The following SLC38A12 variants were observed in gnomAD, a reference collection of about 807,000 sequenced individuals.
The protein encoded by SLC38A12 is solute carrier family 38 member 12.
At chr17:74,789,369 A>C in the SLC38A12 span, among the ~76,000 whole-genome samples, 3 of 151,882 alleles carry the variant, frequency 2.0e-5, no homozygotes, top group African/African-American at 7.3e-5. Context: ...ATCTCTACTA[A>C]AAATGCAAAA....
At chr17:74,793,686 A>G in the SLC38A12 span, among the ~76,000 whole-genome samples, 16 of 152,162 alleles carry the variant, frequency 1.1e-4, no homozygotes, top group African/African-American at 3.9e-4. Context: ...GTCCCCTCAG[A>G]GCAGAAAACA....
chr17:74,822,123 G>A, the SLC38A12 span, among the ~76,000 whole-genome samples: 1 of 152,190 alleles, frequency 6.6e-6, no homozygotes, highest in Non-Finnish European at 1.5e-5. Context: ...GAGAAGAGGA[G>A]GCTGAGGGCA....
At chr17:74,831,990 C>G in the SLC38A12 span, among the ~76,000 whole-genome samples, 1 of 152,234 alleles carries the variant, frequency 6.6e-6, no homozygotes, top group African/African-American at 2.4e-5. Context: ...GAGCAGCTGT[C>G]TCCCAGGGAT....
At chr17:74,837,268 C>T in the SLC38A12 span, 2 of 985,594 alleles carry the variant, frequency 2.0e-6, no homozygotes, top group East Asian at 2.3e-4. Flanking sequence ...GGCCCCATGA[C>T]AAGAACAAGA....
the SLC38A12 span, among the ~76,000 whole-genome samples, chr17:74,781,854 C>A: frequency 6.6e-6 from 1 of 152,198 alleles, no homozygotes; most frequent in Non-Finnish European, 1.5e-5. Flanking sequence ...CAGCCCCACC[C>A]CTGCCCGGCT....
At chr17:74,795,249 C>A in the SLC38A12 span, 1 of 744,678 alleles carries the variant, frequency 1.3e-6, no homozygotes, top group South Asian at 1.6e-5. Flanking sequence ...AGGCCCTTTT[C>A]TGCACAGACC....
the SLC38A12 span, among the ~76,000 whole-genome samples, chr17:74,788,324 G>T: frequency 6.6e-6 from 1 of 152,194 alleles, no homozygotes; most frequent in Non-Finnish European, 1.5e-5. Context: ...CGCTCCTTCC[G>T]TGAGTGTATG....
the SLC38A12 span, among the ~76,000 whole-genome samples, chr17:74,779,194 A>C: frequency 6.6e-6 from 1 of 152,188 alleles, no homozygotes; most frequent in Non-Finnish European, 1.5e-5. Flanking sequence ...AAACACTTGG[A>C]TATGTCCCCA....
chr17:74,791,729 T>A, the SLC38A12 span, among the ~76,000 whole-genome samples: 1 of 152,212 alleles, frequency 6.6e-6, no homozygotes, highest in South Asian at 2.1e-4. Context: ...GTGAACCTGC[T>A]CCTTCCTGGG....
the SLC38A12 span, among the ~76,000 whole-genome samples, chr17:74,786,665 C>T: frequency 1.3e-5 from 2 of 152,052 alleles, no homozygotes; most frequent in Non-Finnish European, 2.9e-5. Context: ...AAGGATGAGA[C>T]GGAGCTTAGT....
At chr17:74,805,559 C>T in the SLC38A12 span, among the ~76,000 whole-genome samples, 1 of 152,316 alleles carries the variant, frequency 6.6e-6, no homozygotes, top group African/African-American at 2.4e-5. The surrounding 1 kb of genome is among the most constrained non-coding windows in gnomAD (Gnocchi z 5.0). Flanking sequence ...TTCTCAAACC[C>T]GCTTCAAGAG....
At chr17:74,830,732 T>C in the SLC38A12 span, among the ~76,000 whole-genome samples, 2 of 152,204 alleles carry the variant, frequency 1.3e-5, no homozygotes, top group Non-Finnish European at 2.9e-5. Flanking sequence ...CTGACTGGCC[T>C]CTGGCAGCTC....
chr17:74,795,017 G>A, the SLC38A12 span: 5 of 1,613,938 alleles, frequency 3.1e-6, no homozygotes, highest in Middle Eastern at 1.7e-4. Context: ...TTCAGTGGGG[G>A]TCAACTTGTT....
the SLC38A12 span, among the ~76,000 whole-genome samples, chr17:74,799,905 C>T: frequency 9.8e-4 from 149 of 152,340 alleles, 1 homozygote; most frequent in African/African-American, 3.4e-3. Flanking sequence ...CCTGGCAGTG[C>T]CATGCGTGCT....
At chr17:74,796,733 T>A in the SLC38A12 span, among the ~76,000 whole-genome samples, 2 of 152,244 alleles carry the variant, frequency 1.3e-5, no homozygotes, top group Non-Finnish European at 2.9e-5. Flanking sequence ...GATTCCTCCG[T>A]TGCAGGTCTG....
chr17:74,798,786 T>A, the SLC38A12 span, among the ~76,000 whole-genome samples: 2 of 124,464 alleles, frequency 1.6e-5, no homozygotes, highest in Non-Finnish European at 3.2e-5. Flanking sequence ...CAAATGGGAA[T>A]GTGTGAGATG....
the SLC38A12 span, among the ~76,000 whole-genome samples, chr17:74,816,687 G>GT: frequency 1.8e-3 from 261 of 147,854 alleles, no homozygotes; most frequent in Non-Finnish European, 3.2e-3. Context: ...GTTTTTTTTT[G>GT]TTTTTTTTTA....
the SLC38A12 span, among the ~76,000 whole-genome samples, chr17:74,810,111 G>C: frequency 3.3e-5 from 5 of 152,178 alleles, no homozygotes; most frequent in Admixed American, 3.3e-4. Flanking sequence ...GTGTCCTCCC[G>C]TCTTTGAGAA....
At chr17:74,785,334 G>A in the SLC38A12 span, 6 of 1,171,690 alleles carry the variant, frequency 5.1e-6, no homozygotes, top group African/African-American at 1.5e-5. Flanking sequence ...GGCCCCAGGT[G>A]TAATTCTCCT....
Sources: gnomAD v4.1 joint callset for allele counts (sites outside exome capture counted in the v4.1 genomes callset) on GRCh38, gnomAD v4.1.1 for gene constraint, Gnocchi (gnomAD v3.1) non-coding constraint, MANE v1.5 for transcripts, NCBI Gene and HGNC (gene_info 2026-07-23, HGNC 2026-07-21) for gene names.